MAP4: variants seen among roughly 807,000 people sequenced by gnomAD.
MAP4 encodes microtubule-associated protein 4.
A neutral mutation model predicts 170.2 loss-of-function variants in MAP4; 76 were observed. The ratio of observed to expected loss-of-function variants is 0.45; its 90% CI spans 0.37 to 0.54. The LOEUF (loss-of-function observed/expected upper bound fraction) is 0.54, where lower values mean the gene tolerates loss of function less well. Among genes scored for constraint, MAP4 ranks in the 20% least tolerant of loss-of-function variants. The pLI is 0.00. For synonymous variants in MAP4, 909 were observed against 994.5 expected (o/e 0.91, Z 1.62); for missense variants, 2,506 against 2,748.0 (o/e 0.91, Z 1.97).
In MAP4 at chr3:48,027,207, A is replaced by C. The variant is rs187239153; in HGVS notation, c.-19-28328T>G. On this transcript the variant is annotated intron_variant, in intron 1 of 18. Transcript: ENST00000360240. ...ACAGCTCAAGTAAATACATGTATGA[A>C]CATGTAAAATAAAAAAGAGTAAGGG... Among the ~76,000 whole-genome samples the C allele has an allele frequency of 9.8e-4, 150 of 152,368 alleles. 2 individuals carry two copies. The highest frequency in any genetic ancestry group is 1.8e-3 in the Non-Finnish European group (124 of 68,040).
At chr3:47,952,062 A>C (rs1290657385) in intron 3 of MAP4, among the ~76,000 whole-genome samples, 1 of 141,680 alleles carries the variant, frequency 7.1e-6, no homozygotes, top group Admixed American at 7.0e-5. Flanking sequence ...GGAGGTGAGG[A>C]GCGTCTCTGC....
intron 19 of MAP4, among the ~76,000 whole-genome samples, chr3:47,854,511 A>AGCC (rs2050928931): frequency 6.6e-6 from 1 of 152,230 alleles, no homozygotes; most frequent in Admixed American, 6.5e-5. Flanking sequence ...GAGCAGCAGC[A>AGCC]GCCATCCTTG....
rs747989769 is a variant in MAP4 at position 47,871,965 on chromosome 3, C to A, written c.5893G>T (p.Gly1965Cys). Residue 1965 changes from glycine (G) to cysteine (C), a missense_variant, in exon 13 of 21, where the codon GGC becomes TGC. Physicochemically the swap from Gly to Cys is radical, Grantham distance 159. Transcript: ENST00000683076. ...TTTAAAVAST[G>C]PSSRSPSTLL... Reference sequence around the variant, plus strand: ...GTGGAGGGGCTCCTACTGCTTGGGCCAGTTGAGGCAACAGCAGCAGCTGTT... The same window carrying A: ...GTGGAGGGGCTCCTACTGCTTGGGCAAGTTGAGGCAACAGCAGCAGCTGTT... The A allele has an allele frequency of 6.2e-7, 1 of 1,613,854 alleles. No individual in the cohort carries two copies. Among genetic ancestry groups the A allele is most frequent in the South Asian group, 1.1e-5 (1 of 91,062 alleles).
intron 4 of MAP4, 123 bp downstream of exon 4, chr3:47,928,105 T>C (rs1200365405): frequency 8.5e-7 from 1 of 1,177,060 alleles, no homozygotes; most frequent in Non-Finnish European, 1.2e-6. Context: ...GACAAACCAA[T>C]GCTAAGGTTG....
chr3:48,077,655 A>G (rs370441098), intron 1 of MAP4, among the ~76,000 whole-genome samples: 71 of 152,208 alleles, frequency 4.7e-4, no homozygotes, highest in African/African-American at 1.7e-3. Flanking sequence ...TAATTTTTTA[A>G]AAGGTTAAAC....
At chr3:47,863,438 C>T (rs1297680814) in intron 17 of MAP4, among the ~76,000 whole-genome samples, 1 of 152,116 alleles carries the variant, frequency 6.6e-6, no homozygotes, top group East Asian at 1.9e-4. Context: ...ATGCTCCAGC[C>T]TCAGGGAACC....
At chr3:47,936,778 C>G (rs975839989) in intron 3 of MAP4, among the ~76,000 whole-genome samples, 5 of 151,788 alleles carry the variant, frequency 3.3e-5, no homozygotes, top group African/African-American at 1.2e-4. Context: ...GTCAAGAGTT[C>G]AAGACCAGCC....
chr3:47,958,682 ATTTT>A (rs769235654), intron 3 of MAP4, among the ~76,000 whole-genome samples: 1 of 121,470 alleles, frequency 8.2e-6, no homozygotes, highest in African/African-American at 3.1e-5. Flanking sequence ...CACCCGGCTA[ATTTT>A]TTTTTTTTTT....
chr3:47,986,754 CAA>C lies in MAP4; in HGVS notation c.224-8823_224-8822del, dbSNP rs1209807622. ...ATGAGATAAAAGTCTGTTTTCAAATCAAAGTCAGAAAATAACTATTTTTGCAA... is the reference window on the plus strand; with the variant it reads ...ATGAGATAAAAGTCTGTTTTCAAATCAGTCAGAAAATAACTATTTTTGCAA... On this transcript the variant is annotated intron_variant, in intron 2 of 20. Coordinates refer to ENST00000683076, the MANE Select transcript of MAP4 (RefSeq NM_001385682.1). Among the ~76,000 whole-genome samples, 16 of 152,208 alleles carry C rather than the reference CAA, an allele frequency of 1.1e-4. No individual in the cohort carries two copies. In the East Asian group the frequency reaches 2.9e-3, roughly 28 times the overall value.
chr3:47,962,574 G>T (rs2100072272), intron 3 of MAP4, among the ~76,000 whole-genome samples: 1 of 152,088 alleles, frequency 6.6e-6, no homozygotes, highest in African/African-American at 2.4e-5. Context: ...TACCCCTATA[G>T]TAAATTCTCT....
chr3:47,856,065 C>G (rs902404604), intron 18 of MAP4, among the ~76,000 whole-genome samples: 16 of 152,204 alleles, frequency 1.1e-4, no homozygotes, highest in African/African-American at 2.9e-4. Flanking sequence ...GCCCAGGGTT[C>G]AGAGCTCACT....
At position 47,937,583 on chromosome 3, in the gene MAP4, T is replaced by A. The variant is rs142656541; in HGVS notation, c.293-9233A>T. 1.3e-3 allele frequency among the ~76,000 whole-genome samples: 203 copies of A among 152,172 alleles called. 1 individual carries two copies. Among genetic ancestry groups the A allele is most frequent in the African/African-American group, 4.7e-3 (196 of 41,546 alleles). On this transcript the variant is annotated intron_variant, in intron 3 of 20. Transcript: ENST00000683076. ...TATAGGAGAAAGATGTTTCTGATGT[T>A]CTCAGGTTGAAGGTAGGAATCAATC...
chr3:48,083,665 T>A (rs570851570), intron 1 of MAP4, among the ~76,000 whole-genome samples: 39 of 149,014 alleles, frequency 2.6e-4, no homozygotes, highest in African/African-American at 9.2e-4. Flanking sequence ...GCACCCAGCA[T>A]AAATAAATTT....
At chr3:47,980,144 C>A (rs978903569) in intron 2 of MAP4, among the ~76,000 whole-genome samples, 1 of 152,068 alleles carries the variant, frequency 6.6e-6, no homozygotes, top group Non-Finnish European at 1.5e-5. Flanking sequence ...TGTTTTGTTT[C>A]TTTGCTTTTC....
chr3:47,871,145 G>A, intron 14 of MAP4, 40 bp from the exon 15 acceptor site: 1 of 1,611,240 alleles, frequency 6.2e-7, no homozygotes, highest in Non-Finnish European at 8.5e-7. Context: ...GGTTCAGGGA[G>A]AGAGAGAAAA....
intron 3 of MAP4, among the ~76,000 whole-genome samples, chr3:47,936,787 C>A (rs2100053164): frequency 6.6e-6 from 1 of 151,834 alleles, no homozygotes; most frequent in African/African-American, 2.4e-5. Context: ...TCAAGACCAG[C>A]CTGGCCAACA....
intron 1 of MAP4, among the ~76,000 whole-genome samples, chr3:48,041,623 T>C (rs927512971): frequency 6.6e-6 from 1 of 152,244 alleles, no homozygotes; most frequent in Admixed American, 6.5e-5. Flanking sequence ...CTGGGCATTA[T>C]TACTTGAGCC....
intron 1 of MAP4, among the ~76,000 whole-genome samples, chr3:48,026,277 A>C (rs1308712704): frequency 2.6e-5 from 4 of 152,186 alleles, no homozygotes; most frequent in Non-Finnish European, 5.9e-5. Flanking sequence ...CAGAGGCTTA[A>C]ATTACTTGTA....
chr3:47,872,062 T>C lies in MAP4; in HGVS notation c.5796A>G (p.Ser1932=), dbSNP rs1036818108. 1.2e-6 allele frequency: 2 copies of C among 1,613,518 alleles called. No homozygotes were observed. Among genetic ancestry groups the C allele is most frequent in the Non-Finnish European group, 1.7e-6 (2 of 1,179,752 alleles). The change falls in exon 13 of 21, where the codon TCA becomes TCG. Residue 1932 remains serine, a synonymous_variant. Coordinates refer to ENST00000683076, the MANE Select transcript of MAP4 (RefSeq NM_001385682.1). Reference sequence around the variant, plus strand: ...CTGGGGCAGAAGCTGGCTTGGATGGTGAGGCCCGCTTCTCAGGAGCCTTTG... The same window carrying C: ...CTGGGGCAGAAGCTGGCTTGGATGGCGAGGCCCGCTTCTCAGGAGCCTTTG... ...ADAKAPEKRA[S]PSKPASAPAS... is the part of the protein sequence containing the mutation.
Sources: allele counts gnomAD v4.1 joint callset (sites outside exome capture counted in the v4.1 genomes callset), GRCh38; gene constraint gnomAD v4.1.1; transcripts MANE v1.5; gene names NCBI Gene and HGNC (gene_info 2026-07-23, HGNC 2026-07-21).